SMCHD1: variants seen among roughly 807,000 people sequenced by gnomAD.
SMCHD1 encodes the protein structural maintenance of chromosomes flexible hinge domain containing 1, also known as structural maintenance of chromosomes flexible hinge domain-containing protein 1.
In SMCHD1, 78 loss-of-function variants were observed where a neutral mutation model predicts 254.7. The ratio of observed to expected loss-of-function variants is 0.31; its 90% CI spans 0.26 to 0.37. The LOEUF (loss-of-function observed/expected upper bound fraction) is 0.37. Ranked by LOEUF, SMCHD1 falls within the 10% of genes least tolerant of loss-of-function variation. The probability of loss-of-function intolerance (pLI) is 1.00; values close to 1 mark genes in which losing one functional copy is unlikely to be tolerated. For missense variants in SMCHD1, 1,840 were observed against 2,408.1 expected, an observed-to-expected ratio of 0.76 and a Z score of 4.94; for synonymous variants, 766 against 794.9, an observed-to-expected ratio of 0.96 and a Z score of 0.61.
At chr18:2,777,706 T>A in intron 42 of SMCHD1, 100 bp from the exon 43 acceptor site, 1 of 610,700 alleles carries the variant, frequency 1.6e-6, no homozygotes, top group Admixed American at 3.0e-5. Flanking sequence ...GATTGTATGA[T>A]CAAAATGATG....
intron 1 of SMCHD1, among the ~76,000 whole-genome samples, chr18:2,658,945 T>TAC (rs76700562): frequency 0.19 from 28,092 of 151,144 alleles, 2,890 homozygotes; most frequent in South Asian, 0.27. Context: ...CACATATATA[T>TAC]ACACACACAT....
intron 19 of SMCHD1, among the ~76,000 whole-genome samples, chr18:2,722,305 G>C (rs1476427010): frequency 3.3e-5 from 5 of 152,082 alleles, no homozygotes; most frequent in Non-Finnish European, 5.9e-5. Flanking sequence ...AGGTGTGGTG[G>C]TACACACCTG....
rs142280515 is a variant in SMCHD1, at chr18:2,710,794, G to A, written c.2260+2874G>A. On this transcript the variant is annotated intron_variant, in intron 17 of 47. Coordinates refer to ENST00000320876, the MANE Select transcript of SMCHD1 (RefSeq NM_015295.3). ...AAGTCTTTAACAGTTGAGTACATGC[G>A]ATGTTAACTGCGGGTCTTATATAAG... Among the ~76,000 whole-genome samples, 658 of 152,250 alleles carry A rather than the reference G, an allele frequency of 4.3e-3. 5 individuals carry two copies. The highest frequency in any genetic ancestry group is 0.015 in the African/African-American group (616 of 41,546).
At chr18:2,706,314 G>A (rs766369389) in intron 14 of SMCHD1, 50 bp from the exon 15 acceptor site, 6 of 1,282,066 alleles carry the variant, frequency 4.7e-6, no homozygotes, top group Non-Finnish European at 5.4e-6. Flanking sequence ...TTTTATTACA[G>A]CTAGATTTAA....
At chr18:2,728,700 C>T (rs748598045) in intron 23 of SMCHD1, 104 bp downstream of exon 23, 76 of 1,189,702 alleles carry the variant, frequency 6.4e-5, no homozygotes, top group African/African-American at 2.5e-4. Flanking sequence ...AAGTCTGAAA[C>T]GATTATTCCG....
chr18:2,671,137 T>C (rs2073587271), intron 3 of SMCHD1, among the ~76,000 whole-genome samples: 1 of 151,766 alleles, frequency 6.6e-6, no homozygotes. Flanking sequence ...GGTTTCTCCA[T>C]GTTGGTCAGG....
At chr18:2,682,380 G>A (rs922319576) in intron 5 of SMCHD1, among the ~76,000 whole-genome samples, 8 of 150,048 alleles carry the variant, frequency 5.3e-5, no homozygotes, top group Non-Finnish European at 8.9e-5. Flanking sequence ...AGGCTGGAGT[G>A]CAGTGGCGTG....
intron 20 of SMCHD1, among the ~76,000 whole-genome samples, chr18:2,724,440 T>C (rs945756346): frequency 6.6e-6 from 1 of 152,086 alleles, no homozygotes; most frequent in Non-Finnish European, 1.5e-5. Flanking sequence ...ATTTGGACTT[T>C]ATCTAAATTG....
At chr18:2,788,992 A>G (rs932651517) in intron 45 of SMCHD1, among the ~76,000 whole-genome samples, 2 of 151,778 alleles carry the variant, frequency 1.3e-5, no homozygotes, top group African/African-American at 4.8e-5. Flanking sequence ...ATTCAAATGA[A>G]TATCACAGCT....
intron 17 of SMCHD1, among the ~76,000 whole-genome samples, chr18:2,717,554 A>G (rs969499855): frequency 6.6e-6 from 1 of 152,158 alleles, no homozygotes; most frequent in Non-Finnish European, 1.5e-5. Flanking sequence ...GCTGGTCTCA[A>G]ATTCTTGGCC....
chr18:2,738,655 T>C (rs1012843443), intron 26 of SMCHD1, 110 bp downstream of exon 26: 8 of 940,050 alleles, frequency 8.5e-6, no homozygotes, highest in South Asian at 7.1e-5. Context: ...CTATGAAATA[T>C]AATAGATTGT....
chr18:2,790,362 A>C (rs1212210187), intron 45 of SMCHD1, among the ~76,000 whole-genome samples: 1 of 152,202 alleles, frequency 6.6e-6, no homozygotes, highest in Non-Finnish European at 1.5e-5. Flanking sequence ...CCACGTTCAT[A>C]TAGCTTTATT....
At chr18:2,790,698 T>C (rs2076305312) in intron 45 of SMCHD1, among the ~76,000 whole-genome samples, 1 of 152,134 alleles carries the variant, frequency 6.6e-6, no homozygotes, top group Admixed American at 6.5e-5. Flanking sequence ...GAGGCAGAGG[T>C]TGCAGTAAGC....
chr18:2,775,385 C>T (rs2076050936), intron 41 of SMCHD1, among the ~76,000 whole-genome samples: 2 of 151,858 alleles, frequency 1.3e-5, no homozygotes, highest in African/African-American at 4.8e-5. Flanking sequence ...ACCAATAAGA[C>T]AGATCCCATT....
Position 2,697,018 on chromosome 18 carries a change from C to G in SMCHD1, c.1041-14C>G. Reference sequence around the variant, plus strand: ...TGTGAATTAAAAGTATAAAATTATTCTTCTCTATTTTAGGCATATTTATCA... The same window carrying G: ...TGTGAATTAAAAGTATAAAATTATTGTTCTCTATTTTAGGCATATTTATCA... On this transcript the variant is annotated splice_polypyrimidine_tract_variant and intron_variant, in intron 8 of 47. Transcript: ENST00000320876. 1 of 1,110,326 alleles carries G rather than the reference C, an allele frequency of 9.0e-7. No homozygotes were observed. The highest frequency in any genetic ancestry group is 1.3e-6 in the Non-Finnish European group (1 of 787,226). 68.8% of individuals were successfully genotyped at this position (1,110,326 alleles called of 1,614,324 possible).
intron 3 of SMCHD1, among the ~76,000 whole-genome samples, chr18:2,669,201 T>G (rs2073527400): frequency 6.6e-6 from 1 of 152,014 alleles, no homozygotes; most frequent in South Asian, 2.1e-4. Context: ...ACAGGAATTA[T>G]TTGGACATTT....
intron 45 of SMCHD1, among the ~76,000 whole-genome samples, chr18:2,793,656 C>CAAAAAAAAA (rs1277905569): frequency 0.033 from 1,445 of 43,608 alleles, 83 homozygotes; most frequent in Non-Finnish European, 0.038. Context: ...GACTCCGTCT[C>CAAAAAAAAA]AAAAAAAAAA....
chr18:2,675,004 T>C (rs2073708010), intron 5 of SMCHD1, among the ~76,000 whole-genome samples: 1 of 152,222 alleles, frequency 6.6e-6, no homozygotes, highest in South Asian at 2.1e-4. Flanking sequence ...ACACAGACTC[T>C]TGTATCATTT....
At chr18:2,706,907 TATAATC>T (rs1458671387) in intron 15 of SMCHD1, among the ~76,000 whole-genome samples, 2 of 152,094 alleles carry the variant, frequency 1.3e-5, no homozygotes, top group African/African-American at 4.8e-5. Flanking sequence ...TCAGGAAACT[TATAATC>T]ATGGCATAAG....
Sources: gnomAD v4.1 joint callset for allele counts (sites outside exome capture counted in the v4.1 genomes callset) on GRCh38, gnomAD v4.1.1 for gene constraint, MANE v1.5 for transcripts, NCBI Gene and HGNC (gene_info 2026-07-23, HGNC 2026-07-21) for gene names.